Variants in NTN3 observed in about 807,000 individuals in gnomAD.
NTN3 encodes netrin-3.
A neutral mutation model predicts 37.2 loss-of-function variants in NTN3; 44 were observed. The observed-to-expected ratio is 1.18, with a 90% CI of 0.93 to 1.52. NTN3 has a LOEUF of 1.52. NTN3 is among the 40% of genes most tolerant of loss of function. The pLI is 0.00. For missense variants in NTN3, 882 were observed against 857.3 expected, an observed-to-expected ratio of 1.03 and a Z score of -0.36; for synonymous variants, 385 against 376.0, an observed-to-expected ratio of 1.02 and a Z score of -0.28.
rs753988726 is a variant in NTN3, at chr16:2,472,522, G to A, written c.821G>A (p.Cys274Tyr). The change falls in exon 1 of 6, where the codon TGC (cysteine) becomes TAC (tyrosine). Residue 274 changes from cysteine (C) to tyrosine (Y), a missense_variant. Cys to Tyr is a radical substitution (Grantham distance 194). Transcript: ENST00000293973. ...CTGGACACACAGGGCCACCTGATCT[G>A]CGACTGTCGGCATGGCACCGAGGGC... ...CLLDTQGHLI[C>Y]DCRHGTEGPD... 1.2e-6 allele frequency: 2 copies of A among 1,607,444 alleles called. No individual in the cohort carries two copies. The highest frequency in any genetic ancestry group is 1.1e-5 in the South Asian group (1 of 91,038).
chr16:2,473,813 CG>C lies in NTN3; in HGVS notation c.1453del (p.Val485TrpfsTer?). The C allele has an allele frequency of 2.2e-6, 3 of 1,389,766 alleles. No individual in the cohort carries two copies. Among genetic ancestry groups the C allele is most frequent in the Non-Finnish European group, 2.8e-6 (3 of 1,082,100 alleles). 86.1% of individuals were successfully genotyped at this position (1,389,766 alleles called of 1,614,324 possible). Reference protein sequence around the residue: ...GEARGAWTRFPVAVLAVFRSG... With the variant: ...GEARGAWTRFXVAVLAVFRSG... ...GCGCGCGGCGCGTGGACACGCTTCC[CG>C]GTGGCGGTGCTCGCCGTGTTCCGGA... is the stretch of plus-strand genomic sequence containing the variant. On this transcript the variant is annotated frameshift_variant, in exon 6 of 6. Transcript: ENST00000293973. LOFTEE classifies it low-confidence loss of function (END_TRUNC).
At position 2,472,570 on chromosome 16, in the gene NTN3, C is replaced by T; in HGVS notation, c.869C>T (p.Pro290Leu). 6.2e-7 allele frequency: 1 copy of T among 1,601,940 alleles called. No individual in the cohort carries two copies. The highest frequency in any genetic ancestry group is 2.2e-5 in the East Asian group (1 of 44,670). Residue 290 changes from proline to leucine, a missense_variant, in exon 1 of 6, where the codon CCC (proline) becomes CTC (leucine). Coordinates refer to ENST00000293973, the MANE Select transcript of NTN3 (RefSeq NM_006181.3). ...GGCCCTGACTGCGGCCGCTGCAAGCCCTTCTACTGCGACAGGCCATGGCAG... is the reference window on the plus strand; with the variant it reads ...GGCCCTGACTGCGGCCGCTGCAAGCTCTTCTACTGCGACAGGCCATGGCAG... ...TEGPDCGRCK[P>L]FYCDRPWQRA... is the part of the protein sequence containing the mutation.
Position 2,473,641 on chromosome 16 carries a change from G to T in NTN3, c.1394-115G>T, listed in dbSNP as rs369365136. ...ATCCTCATCCCTCAGGTCCTCCACG[G>T]GCAGCGACCCCGCCCCTTCAGCCCC... On this transcript the variant is annotated intron_variant, in intron 5 of 5. Coordinates refer to ENST00000293973, the MANE Select transcript of NTN3 (RefSeq NM_006181.3). 3.1e-5 allele frequency: 39 copies of T among 1,256,158 alleles called. 1 individual carries two copies. Among genetic ancestry groups the T allele is most frequent in the East Asian group, 2.0e-4 (8 of 39,766 alleles). 77.8% of individuals were successfully genotyped at this position (1,256,158 alleles called of 1,614,324 possible).
In NTN3 at chr16:2,473,780, G is replaced by A. The variant is rs2065538500; in HGVS notation, c.1418G>A (p.Arg473His). The change falls in exon 6 of 6, where the codon CGC becomes CAC. Residue 473 changes from arginine (R) to histidine (H), a missense_variant. Coordinates refer to ENST00000293973, the MANE Select transcript of NTN3 (RefSeq NM_006181.3). ...DYAVQVAVGA[R>H]GEARGAWTRF... ...GCGGTGCAGGTGGCGGTGGGTGCGC[G>A]CGGCGAGGCGCGCGGCGCGTGGACA... 7.2e-7 allele frequency: 1 copy of A among 1,384,264 alleles called. No homozygotes were observed. The highest frequency in any genetic ancestry group is 9.3e-7 in the Non-Finnish European group (1 of 1,077,792). The allele number at this position is 1,384,264 out of a possible 1,614,324, so 85.7% of individuals were successfully genotyped here. A position where few individuals can be genotyped will look rare whatever the true frequency, so the allele number is the denominator to read the frequency against.
rs754721813 is a variant in NTN3 at position 2,472,700 on chromosome 16, G to C, written c.929-1G>C. ...TGCCCCTGACCCATCCCTCCCTGCA[G>C]CTTGCTCCTGCAACGGCCATGCCCG... On this transcript the variant is annotated splice_acceptor_variant, in intron 1 of 5. Transcript: ENST00000293973. LOFTEE classifies it high-confidence loss of function. 7 of 1,608,812 alleles carry C rather than the reference G, an allele frequency of 4.4e-6. No individual in the cohort carries two copies. Among genetic ancestry groups the C allele is most frequent in the Non-Finnish European group, 5.9e-6 (7 of 1,179,228 alleles).
chr16:2,471,458 G>C lies in NTN3; in HGVS notation c.-244G>C, dbSNP rs1376853091. ...TGGGGCCTCCGCGGGCGGAGGCACC[G>C]GGAGCGGGGGCGACGCCTGTCATCG... On this transcript the variant is annotated 5_prime_UTR_variant, in exon 1 of 6. Transcript: ENST00000293973. 5 of 353,886 alleles carry C rather than the reference G, an allele frequency of 1.4e-5. No homozygotes were observed. In the East Asian group the frequency reaches 2.1e-4, roughly 15 times the overall value. 21.9% of individuals were successfully genotyped at this position (353,886 alleles called of 1,614,324 possible).
At position 2,473,944 on chromosome 16, in the gene NTN3, C is replaced by A; in HGVS notation, c.1582C>A (p.Leu528Met). The A allele has an allele frequency of 8.5e-7, 1 of 1,176,394 alleles. No individual in the cohort carries two copies. The highest frequency in any genetic ancestry group is 1.0e-6 in the Non-Finnish European group (1 of 953,010). 72.9% of individuals were successfully genotyped at this position (1,176,394 alleles called of 1,614,324 possible). Residue 528 changes from leucine (L) to methionine (M), a missense_variant, in exon 6 of 6, where the codon CTG becomes ATG. Coordinates refer to ENST00000293973, the MANE Select transcript of NTN3 (RefSeq NM_006181.3). ...GCTCCCCGGCCGCCGCTACCTCCTG[C>A]TGGGGGGCGGGCCTGGAGCCGCGGC... ...RLLPGRRYLL[L>M]GGGPGAAAGG...
Position 2,473,414 on chromosome 16 carries a change from C to T in NTN3, c.1319-15C>T, listed in dbSNP as rs776762892. ...GGGAAAGGGAGTCTGTGCCAGCCTC[C>T]CACCTTCTACCCAGACTGTGACTCG... is the stretch of plus-strand genomic sequence containing the variant. On this transcript the variant is annotated splice_polypyrimidine_tract_variant and intron_variant, in intron 4 of 5. Coordinates refer to ENST00000293973, the MANE Select transcript of NTN3 (RefSeq NM_006181.3). 2.8e-5 allele frequency: 45 copies of T among 1,612,724 alleles called. No individual in the cohort carries two copies. The Admixed American group carries it at 5.5e-4, about 20-fold the overall frequency.
In NTN3 at chr16:2,473,797, G is replaced by T. The variant is rs1188580320; in HGVS notation, c.1435G>T (p.Ala479Ser). The change falls in exon 6 of 6, where the codon GCG becomes TCG. Residue 479 changes from alanine (A) to serine (S), a missense_variant. Physicochemically the swap from Ala to Ser is moderately conservative, Grantham distance 99. Transcript: ENST00000293973. Reference protein sequence around the residue: ...AVGARGEARGAWTRFPVAVLA... With the variant: ...AVGARGEARGSWTRFPVAVLA... Reference sequence around the variant, plus strand: ...GGGTGCGCGCGGCGAGGCGCGCGGCGCGTGGACACGCTTCCCGGTGGCGGT... The same window carrying T: ...GGGTGCGCGCGGCGAGGCGCGCGGCTCGTGGACACGCTTCCCGGTGGCGGT... 7.2e-7 allele frequency: 1 copy of T among 1,391,376 alleles called. No homozygotes were observed. Among genetic ancestry groups the T allele is most frequent in the East Asian group, 3.0e-5 (1 of 33,438 alleles). The allele number at this position is 1,391,376 out of a possible 1,614,324, so 86.2% of individuals were successfully genotyped here.
At position 2,471,828 on chromosome 16, in the gene NTN3, G is replaced by C; in HGVS notation, c.127G>C (p.Gly43Arg). 1 of 1,435,940 alleles carries C rather than the reference G, an allele frequency of 7.0e-7. No individual in the cohort carries two copies. The highest frequency in any genetic ancestry group is 9.0e-7 in the Non-Finnish European group (1 of 1,105,140). 88.9% of individuals were successfully genotyped at this position (1,435,940 alleles called of 1,614,324 possible). A position where few individuals can be genotyped will look rare whatever the true frequency, so the allele number is the denominator to read the frequency against. The change falls in exon 1 of 6, where the codon GGA becomes CGA. Residue 43 changes from glycine (G) to arginine (R), a missense_variant. By Grantham distance (125) the Gly-to-Arg change is moderately radical. Transcript: ENST00000293973. Reference protein sequence around the residue: ...EGGAPRGCVPGLVNAALGREV... With the variant: ...EGGAPRGCVPRLVNAALGREV... ...GGGTGCGCCCCGCGGCTGCGTGCCA[G>C]GACTGGTGAACGCCGCCCTGGGCCG...
At position 2,471,765 on chromosome 16, in the gene NTN3, G is replaced by A; in HGVS notation, c.64G>A (p.Gly22Arg). The A allele has an allele frequency of 7.2e-7, 1 of 1,384,866 alleles. No individual in the cohort carries two copies. The highest frequency in any genetic ancestry group is 9.3e-7 in the Non-Finnish European group (1 of 1,077,370). 85.8% of individuals were successfully genotyped at this position (1,384,866 alleles called of 1,614,324 possible). A position where few individuals can be genotyped will look rare whatever the true frequency, so the allele number is the denominator to read the frequency against. The change falls in exon 1 of 6, where the codon GGG (glycine) becomes AGG (arginine). Residue 22 changes from glycine (G) to arginine (R), a missense_variant. Physicochemically the swap from Gly to Arg is moderately radical, Grantham distance 125 (BLOSUM62 -2). Transcript: ENST00000293973. ...CACGCTCTTCGCCGCCCTGAGTCCTGGGCCGCCGGCGCCCGCCGACCCCTG... is the reference window on the plus strand; with the variant it reads ...CACGCTCTTCGCCGCCCTGAGTCCTAGGCCGCCGGCGCCCGCCGACCCCTG... ...AGTLFAALSP[G>R]PPAPADPCHD...
chr16:2,474,131 C>CT lies in NTN3; in HGVS notation c.*27dup. ...GCCCGCCGGCTGGGCAGGGCGGCCG[C>CT]TGCTCCCACATCTAGGCGCACGTTC... On this transcript the variant is annotated 3_prime_UTR_variant, in exon 6 of 6. Transcript: ENST00000293973. The CT allele has an allele frequency of 8.3e-7, 1 of 1,200,442 alleles. No individual in the cohort carries two copies. Among genetic ancestry groups the CT allele is most frequent in the Non-Finnish European group, 1.0e-6 (1 of 967,264 alleles). The allele number at this position is 1,200,442 out of a possible 1,614,324, so 74.4% of individuals were successfully genotyped here. A position where few individuals can be genotyped will look rare whatever the true frequency, so the allele number is the denominator to read the frequency against.
rs773260361 is a variant in NTN3, at chr16:2,473,502, T to C, written c.1392T>C (p.Tyr464=). Residue 464 remains tyrosine, a splice_region_variant and synonymous_variant, in exon 5 of 6, where the codon TAT becomes TAC. Transcript: ENST00000293973. The part of the protein sequence containing the change: ...ISLKKFCKKD[Y]AVQVAVGARG... ...TAAAGAAGTTCTGCAAGAAGGACTATGGTAGGTGCCCTCAGGCCTCCCGCG... is the reference window on the plus strand; with the variant it reads ...TAAAGAAGTTCTGCAAGAAGGACTACGGTAGGTGCCCTCAGGCCTCCCGCG... 2.5e-6 allele frequency: 4 copies of C among 1,612,770 alleles called. No individual in the cohort carries two copies. The highest frequency in any genetic ancestry group is 2.2e-5 in the East Asian group (1 of 44,862).
rs2065539659 is a variant in NTN3, at chr16:2,473,869, A to G, written c.1507A>G (p.Ser503Gly). 1.6e-6 allele frequency: 2 copies of G among 1,275,216 alleles called. No individual in the cohort carries two copies. The highest frequency in any genetic ancestry group is 1.6e-5 in the African/African-American group (1 of 64,108). 79.0% of individuals were successfully genotyped at this position (1,275,216 alleles called of 1,614,324 possible). ...SGEERARRGS[S>G]ALWVPAGDAA... The stretch of plus-strand genomic sequence containing the variant: ...AGAGGAGCGCGCGCGGCGCGGGAGT[A>G]GCGCGCTGTGGGTGCCCGCCGGGGA... Residue 503 changes from serine to glycine, a missense_variant, in exon 6 of 6, where the codon AGC becomes GGC. Coordinates refer to ENST00000293973, the MANE Select transcript of NTN3 (RefSeq NM_006181.3).
In NTN3 at chr16:2,472,571, C is replaced by T. The variant is rs768537029; in HGVS notation, c.870C>T (p.Pro290=). The T allele has an allele frequency of 1.2e-5, 19 of 1,602,232 alleles. No homozygotes were observed. Among genetic ancestry groups the T allele is most frequent in the Non-Finnish European group, 1.4e-5 (17 of 1,175,760 alleles). The change falls in exon 1 of 6, where the codon CCC becomes CCT. Residue 290 remains proline (P), a synonymous_variant. Transcript: ENST00000293973. ...GCCCTGACTGCGGCCGCTGCAAGCC[C>T]TTCTACTGCGACAGGCCATGGCAGC... ...TEGPDCGRCK[P]FYCDRPWQRA...
chr16:2,473,740 C>G lies in NTN3; in HGVS notation c.1394-16C>G. 7.0e-7 allele frequency: 1 copy of G among 1,422,556 alleles called. No homozygotes were observed. Among genetic ancestry groups the G allele is most frequent in the Non-Finnish European group, 9.1e-7 (1 of 1,096,258 alleles). The allele number at this position is 1,422,556 out of a possible 1,614,324, so 88.1% of individuals were successfully genotyped here. On this transcript the variant is annotated splice_polypyrimidine_tract_variant and intron_variant, in intron 5 of 5. Transcript: ENST00000293973. ...CCGCCCCTTCCTGACCCCGCCCCCT[C>G]TCGCTCTCCCCGCAGCGGTGCAGGT...
chr16:2,472,726 C>T lies in NTN3; in HGVS notation c.954C>T (p.Arg318=), dbSNP rs1224271477. Residue 318 remains arginine (R), a synonymous_variant, in exon 2 of 6, where the codon CGC becomes CGT. Coordinates refer to ENST00000293973, the MANE Select transcript of NTN3 (RefSeq NM_006181.3). The part of the protein sequence containing the change: ...CLACSCNGHA[R]RCRFNMELYR... Reference sequence around the variant, plus strand: ...CTTGCTCCTGCAACGGCCATGCCCGCCGCTGCCGCTTCAACATGGAGCTGT... The same window carrying T: ...CTTGCTCCTGCAACGGCCATGCCCGTCGCTGCCGCTTCAACATGGAGCTGT... 6.2e-7 allele frequency: 1 copy of T among 1,609,456 alleles called. No homozygotes were observed.
At position 2,472,011 on chromosome 16, in the gene NTN3, A is replaced by G; in HGVS notation, c.310A>G (p.Asn104Asp). 1 of 1,605,776 alleles carries G rather than the reference A, an allele frequency of 6.2e-7. No individual in the cohort carries two copies. Among genetic ancestry groups the G allele is most frequent in the Non-Finnish European group, 8.5e-7 (1 of 1,179,382 alleles). Residue 104 changes from asparagine (N) to aspartate (D), a missense_variant, in exon 1 of 6, where the codon AAC (asparagine) becomes GAC (aspartate). Physicochemically the swap from Asn to Asp is conservative, Grantham distance 23. Transcript: ENST00000293973. ...GGAGTCCCTGCCTCGGGCGCCCCTC[A>G]ACGTGACTCTCACGGTGCCCCTGGG... is the stretch of plus-strand genomic sequence containing the variant. The part of the protein sequence containing the change: ...RSESLPRAPL[N>D]VTLTVPLGKA...
chr16:2,472,194 G>A lies in NTN3; in HGVS notation c.493G>A (p.Ala165Thr). 6.2e-7 allele frequency: 1 copy of A among 1,609,092 alleles called. No homozygotes were observed. The change falls in exon 1 of 6, where the codon GCC becomes ACC. Residue 165 changes from alanine (A) to threonine (T), a missense_variant. By Grantham distance (58) the Ala-to-Thr change is moderately conservative (BLOSUM62 0). Transcript: ENST00000293973. ...DLDYGRLPAP[A>T]NGPAGPGPEA... ...GGACTATGGCCGTCTGCCTGCCCCT[G>A]CCAATGGCCCAGCTGGCCCAGGGCC...
Sources: allele counts gnomAD v4.1 joint callset, GRCh38; gene constraint gnomAD v4.1.1; transcripts MANE v1.5; gene names NCBI Gene and HGNC (gene_info 2026-07-23, HGNC 2026-07-21).